APBB2: variants seen among roughly 807,000 people sequenced by gnomAD.
APBB2 encodes Fe65-like 1.
Under a neutral mutation model 82.5 loss-of-function variants are expected in APBB2, and 38 were observed. The observed-to-expected ratio is 0.46, with a 90% CI of 0.36 to 0.60. The LOEUF is 0.60. APBB2 is among the 20% of genes least tolerant of loss of function. The probability of loss-of-function intolerance (pLI) is 0.00; values close to 1 mark genes in which losing one functional copy is unlikely to be tolerated. For synonymous variants in APBB2, 341 were observed against 368.2 expected, an observed-to-expected ratio of 0.93 and a Z score of 0.85; for missense variants, 772 against 972.3, an observed-to-expected ratio of 0.79 and a Z score of 2.74.
intron 12 of APBB2, among the ~76,000 whole-genome samples, chr4:40,873,292 A>C (rs1424129639): frequency 6.6e-6 from 1 of 152,160 alleles, no homozygotes; most frequent in African/African-American, 2.4e-5. Context: ...AAGCACTCTA[A>C]TTTGTACAGT....
intron 6 of APBB2, among the ~76,000 whole-genome samples, chr4:40,999,903 C>CA (rs929210922): frequency 6.7e-5 from 10 of 149,416 alleles, no homozygotes; most frequent in African/African-American, 2.0e-4. Context: ...TGGGGCTTAA[C>CA]AAAAAAAAGG....
At chr4:41,147,109 C>A (rs1384055311) in intron 1 of APBB2, among the ~76,000 whole-genome samples, 1 of 152,200 alleles carries the variant, frequency 6.6e-6, no homozygotes, top group Non-Finnish European at 1.5e-5. Context: ...TTAATGTCTG[C>A]AGCAGGCAAA....
intron 6 of APBB2, among the ~76,000 whole-genome samples, chr4:40,945,634 A>T (rs1788165970): frequency 6.6e-6 from 1 of 151,906 alleles, no homozygotes; most frequent in South Asian, 2.1e-4. Context: ...TTTTTTCAAG[A>T]TGGAGTCTTG....
chr4:40,897,017 T>C (rs578166723), intron 10 of APBB2, among the ~76,000 whole-genome samples: 2 of 152,302 alleles, frequency 1.3e-5, no homozygotes, highest in East Asian at 3.9e-4. Flanking sequence ...CTGTCTACTA[T>C]AAAATCCTAC....
At chr4:41,172,474 T>C (rs1373740718) in intron 1 of APBB2, among the ~76,000 whole-genome samples, 4 of 152,226 alleles carry the variant, frequency 2.6e-5, no homozygotes, top group African/African-American at 7.2e-5. Flanking sequence ...CATAGCACTC[T>C]ATAATTACTC....
intron 2 of APBB2, among the ~76,000 whole-genome samples, chr4:41,141,332 CTGTGTGTGTGTGTGTCTGTG>C (rs757767172): frequency 9.2e-6 from 1 of 108,116 alleles, no homozygotes; most frequent in Non-Finnish European, 2.3e-5. Flanking sequence ...GTGTGTGTGT[CTGTGTGTGTGTGTGTCTGTG>C]TGTCTGTGTG....
intron 12 of APBB2, among the ~76,000 whole-genome samples, chr4:40,855,400 G>T (rs542004167): frequency 6.6e-6 from 1 of 152,296 alleles, no homozygotes; most frequent in South Asian, 2.1e-4. Flanking sequence ...CAACGTGGCG[G>T]CTGTTAGAAA....
At chr4:41,036,680 T>C (rs1287499369) in intron 4 of APBB2, among the ~76,000 whole-genome samples, 1 of 152,194 alleles carries the variant, frequency 6.6e-6, no homozygotes, top group African/African-American at 2.4e-5. Flanking sequence ...GGAAATGCTT[T>C]CCTGAGAAAG....
chr4:40,874,366 T>C (rs1014424216), intron 12 of APBB2, among the ~76,000 whole-genome samples: 38 of 152,280 alleles, frequency 2.5e-4, no homozygotes, highest in African/African-American at 7.0e-4. Flanking sequence ...AATTTAACAA[T>C]ATAAAGGACG....
chr4:40,862,467 C>A (rs895548583), intron 12 of APBB2, among the ~76,000 whole-genome samples: 33 of 152,322 alleles, frequency 2.2e-4, no homozygotes, highest in African/African-American at 7.9e-4. Flanking sequence ...ATTTTAACAT[C>A]CATTTGTATG....
intron 6 of APBB2, among the ~76,000 whole-genome samples, chr4:40,978,149 A>G (rs1183859730): frequency 6.6e-6 from 1 of 152,224 alleles, no homozygotes; most frequent in East Asian, 1.9e-4. Flanking sequence ...ACAACTGTCA[A>G]AGATGTGGTG....
intron 6 of APBB2, among the ~76,000 whole-genome samples, chr4:40,986,966 T>C (rs1310890172): frequency 6.6e-6 from 1 of 152,328 alleles, no homozygotes; most frequent in African/African-American, 2.4e-5. Flanking sequence ...GAGAGTGCTA[T>C]TCTCATCAGA....
intron 5 of APBB2, among the ~76,000 whole-genome samples, chr4:41,015,725 A>G (rs1809722433): frequency 6.6e-6 from 1 of 152,202 alleles, no homozygotes; most frequent in Non-Finnish European, 1.5e-5. Flanking sequence ...TGTAACCCCA[A>G]GGGTTAGGAT....
At chr4:41,174,312 T>C (rs1249649922) in intron 1 of APBB2, among the ~76,000 whole-genome samples, 1 of 152,190 alleles carries the variant, frequency 6.6e-6, no homozygotes, top group East Asian at 1.9e-4. Context: ...TTCCTAACCT[T>C]TTTTAAGTCA....
At chr4:41,016,535 C>T (rs888351852) in intron 5 of APBB2, among the ~76,000 whole-genome samples, 5 of 152,070 alleles carry the variant, frequency 3.3e-5, no homozygotes, top group African/African-American at 1.2e-4. Flanking sequence ...GTGGCGCATG[C>T]CGGTACTCAG....
chr4:41,188,326 T>C (rs1447292094), intron 1 of APBB2, among the ~76,000 whole-genome samples: 1 of 152,178 alleles, frequency 6.6e-6, no homozygotes, highest in East Asian at 1.9e-4. Flanking sequence ...GCAGGAAGAT[T>C]TCCAGCTGTG....
chr4:40,973,311 C>T (rs887209593), intron 6 of APBB2, among the ~76,000 whole-genome samples: 1 of 152,204 alleles, frequency 6.6e-6, no homozygotes, highest in African/African-American at 2.4e-5. Flanking sequence ...CTGGACTAGT[C>T]AGGCCATCTT....
chr4:41,041,152 T>C (rs1196383055), intron 4 of APBB2, among the ~76,000 whole-genome samples: 1 of 152,182 alleles, frequency 6.6e-6, no homozygotes, highest in Non-Finnish European at 1.5e-5. Context: ...AGTGCTGGGA[T>C]TACAGGTGTG....
At chr4:40,901,510 T>C (rs533072198) in intron 10 of APBB2, among the ~76,000 whole-genome samples, 1 of 151,870 alleles carries the variant, frequency 6.6e-6, no homozygotes, top group Non-Finnish European at 1.5e-5. Context: ...GGGTTTTTTT[T>C]GTTGTTGTTT....
Sources: gnomAD v4.1 joint callset for allele counts (sites outside exome capture counted in the v4.1 genomes callset) on GRCh38, gnomAD v4.1.1 for gene constraint, MANE v1.5 for transcripts, NCBI Gene and HGNC (gene_info 2026-07-23, HGNC 2026-07-21) for gene names.